Variants in SRCAP observed in about 807,000 individuals in gnomAD.
SRCAP encodes the protein Snf2 related CREBBP activator protein.
In SRCAP, 46 loss-of-function variants were observed where a neutral mutation model predicts 263.1. The ratio of observed to expected loss-of-function variants is 0.17; its 90% CI spans 0.14 to 0.22. The LOEUF (loss-of-function observed/expected upper bound fraction) is 0.22. SRCAP is among the 10% of genes least tolerant of loss of function. SRCAP has a pLI of 1.00. For missense variants in SRCAP, 3,695 were observed against 4,181.9 expected, an observed-to-expected ratio of 0.88 and a Z score of 3.21; for synonymous variants, 1,813 against 1,662.1, an observed-to-expected ratio of 1.09 and a Z score of -2.21.
intron 22 of SRCAP, 75 bp from the exon 23 acceptor site, chr16:30,722,488 C>G: frequency 6.4e-7 from 1 of 1,562,796 alleles, no homozygotes; most frequent in South Asian, 1.2e-5. Context: ...TTCTTTTCTT[C>G]TCTTCTTGCC....
chr16:30,719,968 C>T (rs1191557028), intron 18 of SRCAP, among the ~76,000 whole-genome samples, 194 bp from the exon 19 acceptor site: 4 of 152,184 alleles, frequency 2.6e-5, no homozygotes, highest in South Asian at 2.1e-4. Context: ...ACAGTCGTTT[C>T]TGGCGTATAT....
intron 11 of SRCAP, 27 bp from the exon 12 acceptor site, chr16:30,711,808 G>A (rs779016044): frequency 2.5e-6 from 4 of 1,611,874 alleles, no homozygotes; most frequent in Non-Finnish European, 2.5e-6. Context: ...GGTATGATGA[G>A]CAGTAAGCCT....
chr16:30,734,410 C>G lies in SRCAP; in HGVS notation c.6610-86C>G, dbSNP rs976361096. Reference sequence around the variant, plus strand: ...CGTCTTCAACCAGTGGTACCCCTGACAGTTCCAAGAACCATCAGCCTTACA... The same window carrying G: ...CGTCTTCAACCAGTGGTACCCCTGAGAGTTCCAAGAACCATCAGCCTTACA... On this transcript the variant is annotated intron_variant, in intron 30 of 33. Coordinates refer to ENST00000262518, the MANE Select transcript of SRCAP (RefSeq NM_006662.3). 3 of 1,562,522 alleles carry G rather than the reference C, an allele frequency of 1.9e-6. No homozygotes were observed. In the African/African-American group the frequency reaches 4.1e-5, roughly 21 times the overall value.
intron 4 of SRCAP, 46 bp downstream of exon 4, chr16:30,704,361 G>A (rs371147268): frequency 1.9e-5 from 29 of 1,536,848 alleles, no homozygotes; most frequent in African/African-American, 5.5e-5. Context: ...GTTATCTTCC[G>A]TAAACTCCCA....
chr16:30,700,470 T>G, intron 2 of SRCAP, 146 bp from the exon 3 acceptor site: 1 of 207,468 alleles, frequency 4.8e-6, no homozygotes, highest in Admixed American at 5.3e-5. Context: ...ACTAAAAGTA[T>G]CTTATACATA....
rs200083101 is a variant in SRCAP, at chr16:30,721,189, T to C, written c.3254T>C (p.Val1085Ala). 74 of 1,602,380 alleles carry C rather than the reference T, an allele frequency of 4.6e-5. No homozygotes were observed. In the Middle Eastern group the frequency reaches 5.0e-4, roughly 11 times the overall value. The stretch of plus-strand genomic sequence containing the variant: ...ACAGGTGTTTGCTTTGTGTCTGCAG[T>C]GTTGCCATCCCCCCTGGGGGTCCTG... ...LQPNSGSLPQ[V>A]LPSPLGVLSG... The change falls in exon 21 of 34, where the codon GTG (valine) becomes GCG (alanine). Residue 1085 changes from valine to alanine, a missense_variant and splice_region_variant. Transcript: ENST00000262518.
chr16:30,724,083 G>A lies in SRCAP; in HGVS notation c.4659G>A (p.Ser1553=), dbSNP rs776230530. Residue 1553 remains serine (S), a synonymous_variant, in exon 25 of 34, where the codon TCG becomes TCA. Transcript: ENST00000262518. The part of the protein sequence containing the change: ...PACSPVLVPA[S]ALASPFPSAP... ...GCTCACCTGTCCTGGTGCCAGCTTC[G>A]GCTCTGGCCAGTCCTTTTCCGTCAG... 4.3e-6 allele frequency: 7 copies of A among 1,613,380 alleles called. No homozygotes were observed. The highest frequency in any genetic ancestry group is 2.2e-5 in the East Asian group (1 of 44,890).
Position 30,738,238 on chromosome 16 carries a change from A to G in SRCAP, c.8198A>G (p.Gln2733Arg), listed in dbSNP as rs1411173095. ...AGTGCTGATGTGGAAATTAGGGGTC[A>G]AGGGACTGGTCGGCCAGGACAACCA... ...RTSADVEIRG[Q>R]GTGRPGQPPG... The change falls in exon 34 of 34, where the codon CAA becomes CGA. Residue 2733 changes from glutamine to arginine, a missense_variant. Around this residue, in one of 12 missense-constraint regions of SRCAP, gnomAD observed 1,207 missense variants for 1,142.9 expected, o/e 1.06. Transcript: ENST00000262518. 1.2e-6 allele frequency: 2 copies of G among 1,613,880 alleles called. No homozygotes were observed.
intron 18 of SRCAP, among the ~76,000 whole-genome samples, chr16:30,717,724 A>G (rs1430323016): frequency 7.2e-6 from 1 of 138,048 alleles, no homozygotes; most frequent in African/African-American, 2.7e-5. Flanking sequence ...GCAATTTTCC[A>G]CAGCCTCCCG....
intron 31 of SRCAP, 63 bp from the exon 32 acceptor site, chr16:30,736,137 A>T: frequency 6.3e-7 from 1 of 1,594,564 alleles, no homozygotes; most frequent in East Asian, 2.2e-5. Context: ...TGCCTGAATC[A>T]AATCACAGGA....
rs2053129516 is a variant in SRCAP at position 30,733,189 on chromosome 16, T to G, written c.6128-91T>G. The G allele has an allele frequency of 6.9e-7, 1 of 1,442,874 alleles. No homozygotes were observed. Among genetic ancestry groups the G allele is most frequent in the Non-Finnish European group, 9.4e-7 (1 of 1,064,636 alleles). The allele number at this position is 1,442,874 out of a possible 1,614,324, so 89.4% of individuals were successfully genotyped here. A position where few individuals can be genotyped will look rare whatever the true frequency, so the allele number is the denominator to read the frequency against. On this transcript the variant is annotated intron_variant, in intron 27 of 33. Coordinates refer to ENST00000262518, the MANE Select transcript of SRCAP (RefSeq NM_006662.3). The surrounding 1 kb of genome is among the most constrained non-coding windows in gnomAD (Gnocchi z 5.3). ...TAATTGAAACTTTGGCTTAAAGCAT[T>G]GATTATCTTTCAACCCCAGCCTTGC... is the stretch of plus-strand genomic sequence containing the variant.
At position 30,729,564 on chromosome 16, in the gene SRCAP, A is replaced by T. The variant is rs748016155; in HGVS notation, c.6119A>T (p.Tyr2040Phe). The T allele has an allele frequency of 6.2e-7, 1 of 1,614,166 alleles. No homozygotes were observed. Among genetic ancestry groups the T allele is most frequent in the South Asian group, 1.1e-5 (1 of 91,092 alleles). ...TQFPDLRLIQ[Y>F]DCGKLQTLAV... ...TTCCCTGACTTAAGACTCATCCAGT[A>T]TGATTGCGGTGAGTTTGTTGGCCAG... Residue 2040 changes from tyrosine (Y) to phenylalanine (F), a missense_variant, in exon 27 of 34, where the codon TAT (tyrosine) becomes TTT (phenylalanine). By Grantham distance (22) the Tyr-to-Phe change is conservative. Transcript: ENST00000262518.
chr16:30,728,302 T>G (rs2053081981), intron 25 of SRCAP, among the ~76,000 whole-genome samples: 1 of 152,234 alleles, frequency 6.6e-6, no homozygotes, highest in Non-Finnish European at 1.5e-5. Context: ...AGTGGATAGA[T>G]ATTAGTTAAA....
intron 33 of SRCAP, 102 bp from the exon 34 acceptor site, chr16:30,736,947 T>TA: frequency 7.6e-7 from 1 of 1,313,814 alleles, no homozygotes; most frequent in Non-Finnish European, 1.0e-6. Flanking sequence ...GTGCTGGAAT[T>TA]ACAGGCGTGA....
Position 30,737,578 on chromosome 16 carries a change from C to T in SRCAP, c.7538C>T (p.Pro2513Leu), listed in dbSNP as rs754087911. Residue 2513 changes from proline (P) to leucine (L), a missense_variant, in exon 34 of 34, where the codon CCG (proline) becomes CTG (leucine). Physicochemically the swap from Pro to Leu is moderately conservative, Grantham distance 98. Coordinates refer to ENST00000262518, the MANE Select transcript of SRCAP (RefSeq NM_006662.3). ...TGTACCCCTCCACCAGCTCATACAC[C>T]GCCTCCAGCCCAAACCTGTCTTGTA... Reference protein sequence around the residue: ...PACTPPPAHTPPPAQTCLVTP... With the variant: ...PACTPPPAHTLPPAQTCLVTP... 7 of 1,614,092 alleles carry T rather than the reference C, an allele frequency of 4.3e-6. No homozygotes were observed. Among genetic ancestry groups the T allele is most frequent in the Non-Finnish European group, 5.9e-6 (7 of 1,180,026 alleles).
Position 30,724,898 on chromosome 16 carries a change from TTTCGGC to T in SRCAP, c.5475_5480del (p.Ala1827_Ser1828del). ...GCTTCCCAGGCATCTTCCCTTGTGGTTTCGGCATCTGGTGCCGCTCCCTTGCCTGTC... is the reference window on the plus strand; with the variant it reads ...GCTTCCCAGGCATCTTCCCTTGTGGTATCTGGTGCCGCTCCCTTGCCTGTC... On this transcript the variant is annotated inframe_deletion, in exon 25 of 34. Coordinates refer to ENST00000262518, the MANE Select transcript of SRCAP (RefSeq NM_006662.3). The T allele has an allele frequency of 6.2e-7, 1 of 1,614,226 alleles. No homozygotes were observed. Among genetic ancestry groups the T allele is most frequent in the Non-Finnish European group, 8.5e-7 (1 of 1,180,038 alleles).
At chr16:30,708,311 C>T (rs1328578332) in intron 6 of SRCAP, among the ~76,000 whole-genome samples, 5 of 152,168 alleles carry the variant, frequency 3.3e-5, no homozygotes, top group Admixed American at 6.6e-5. Context: ...TGGGCTCACG[C>T]GATCTTCCTG....
chr16:30,736,996 A>G (rs1460187748), intron 33 of SRCAP, 53 bp from the exon 34 acceptor site: 2 of 1,515,570 alleles, frequency 1.3e-6, no homozygotes, highest in South Asian at 2.6e-5. Context: ...ATTTCTACTC[A>G]CTCTCTACTC....
At chr16:30,722,888 G>A (rs2053025567) in intron 23 of SRCAP, 75 bp from the exon 24 acceptor site, 2 of 1,552,686 alleles carry the variant, frequency 1.3e-6, no homozygotes, top group South Asian at 1.2e-5. Context: ...ACCTTCTCCT[G>A]CCCCTGGACT....
Sources: allele counts gnomAD v4.1 joint callset (sites outside exome capture counted in the v4.1 genomes callset), GRCh38; gene constraint gnomAD v4.1.1; regional missense constraint gnomAD v4.1.1; non-coding constraint Gnocchi (gnomAD v3.1); transcripts MANE v1.5; gene names NCBI Gene and HGNC (gene_info 2026-07-23, HGNC 2026-07-21).